Variants in PARD3B observed in about 807,000 individuals in gnomAD.
The protein encoded by PARD3B is par-3 family cell polarity regulator beta.
Under a neutral mutation model 130.2 loss-of-function variants are expected in PARD3B, and 103 were observed. The ratio of observed to expected loss-of-function variants is 0.79; its 90% confidence interval spans 0.67 to 0.93. The LOEUF is 0.93. PARD3B is among the 40% of genes least tolerant of loss of function. PARD3B has a pLI of 0.00. For missense variants in PARD3B, 1,609 were observed against 1,499.2 expected (o/e 1.07, Z -1.21); for synonymous variants, 583 against 553.2 (o/e 1.05, Z -0.76).
At chr2:205,557,430 T>C (rs2052939772) in intron 22 of PARD3B, among the ~76,000 whole-genome samples, 1 of 152,142 alleles carries the variant, frequency 6.6e-6, no homozygotes, top group South Asian at 2.1e-4. Context: ...CTTGAGGCAT[T>C]CAACGTTAGC....
Position 204,887,507 on chromosome 2 carries a change from A to G in PARD3B, c.223-77645A>G, listed in dbSNP as rs1414246827. 2.6e-5 allele frequency among the ~76,000 whole-genome samples: 4 copies of G among 152,266 alleles called. No homozygotes were observed. Among genetic ancestry groups the G allele is most frequent in the Non-Finnish European group, 5.9e-5 (4 of 68,028 alleles). ...AGCAAGTTTTAAAAGCAAAACACTC[A>G]AATTATACCACGTTGAAAACATGAA... is the stretch of plus-strand genomic sequence containing the variant. On this transcript the variant is annotated intron_variant, in intron 2 of 22. Coordinates refer to ENST00000406610, the MANE Select transcript of PARD3B (RefSeq NM_001302769.2). This position sits in a 1 kb window ranked among gnomAD's most constrained non-coding sequence, Gnocchi z 4.2.
At chr2:204,636,481 TG>T in intron 1 of PARD3B, among the ~76,000 whole-genome samples, 1 of 151,846 alleles carries the variant, frequency 6.6e-6, no homozygotes, top group East Asian at 1.9e-4. Context: ...TGTGTGTGTG[TG>T]TGTGTGTGCA....
At chr2:205,273,001 A>G (rs561515887) in intron 16 of PARD3B, among the ~76,000 whole-genome samples, 1 of 152,326 alleles carries the variant, frequency 6.6e-6, no homozygotes, top group South Asian at 2.1e-4. Context: ...CCAAATCAAA[A>G]TCATCCTCTT....
intron 2 of PARD3B, among the ~76,000 whole-genome samples, chr2:204,759,468 A>C (rs907466512): frequency 6.6e-6 from 1 of 152,220 alleles, no homozygotes; most frequent in South Asian, 2.1e-4. Context: ...GTTTTTAAGC[A>C]TAATGTATTG....
chr2:205,580,204 C>G (rs1031014841), intron 22 of PARD3B, among the ~76,000 whole-genome samples: 2 of 152,180 alleles, frequency 1.3e-5, no homozygotes, highest in African/African-American at 4.8e-5. Flanking sequence ...GTCTCTTAAG[C>G]AGCATTTTAG....
At chr2:205,163,761 C>A (rs1031200445) in intron 11 of PARD3B, among the ~76,000 whole-genome samples, 1 of 152,014 alleles carries the variant, frequency 6.6e-6, no homozygotes, top group Non-Finnish European at 1.5e-5. Context: ...CCATCTCTGC[C>A]GGTATCTATA....
At chr2:204,957,142 G>A (rs566359611) in intron 2 of PARD3B, among the ~76,000 whole-genome samples, 2 of 152,036 alleles carry the variant, frequency 1.3e-5, no homozygotes, top group South Asian at 4.2e-4. Flanking sequence ...ACTTGTCAAG[G>A]GATAACATAT....
At chr2:205,075,722 CT>C (rs1701012388) in intron 4 of PARD3B, among the ~76,000 whole-genome samples, 1 of 146,798 alleles carries the variant, frequency 6.8e-6, no homozygotes, top group Non-Finnish European at 1.5e-5. Flanking sequence ...GACATTTTTT[CT>C]GATACAATCA....
chr2:204,839,650 C>T (rs1210584819), intron 2 of PARD3B, among the ~76,000 whole-genome samples: 1 of 152,122 alleles, frequency 6.6e-6, no homozygotes, highest in Non-Finnish European at 1.5e-5. Flanking sequence ...CTCCTTTTCT[C>T]TTGTGCCTCA....
intron 19 of PARD3B, among the ~76,000 whole-genome samples, chr2:205,425,008 C>A (rs890162240): frequency 6.6e-5 from 10 of 152,186 alleles, no homozygotes; most frequent in African/African-American, 7.2e-5. Context: ...CAACAAGTTA[C>A]AAATTTTATC....
rs114455905 is a variant in PARD3B, at chr2:205,577,084, T to C, written c.3260+23681T>C. Reference sequence around the variant, plus strand: ...ATGGTATTGTGTTTCTAATTTTAATTGCACTTGTTCATTACCAGTGTATAC... The same window carrying C: ...ATGGTATTGTGTTTCTAATTTTAATCGCACTTGTTCATTACCAGTGTATAC... On this transcript the variant is annotated intron_variant, in intron 22 of 22. Transcript: ENST00000406610. Among the ~76,000 whole-genome samples the C allele has an allele frequency of 6.8e-3, 1,032 of 152,330 alleles. 18 individuals carry two copies. Among genetic ancestry groups the C allele is most frequent in the African/African-American group, 0.024 (988 of 41,580 alleles).
chr2:204,620,106 A>G (rs748914418), intron 1 of PARD3B, among the ~76,000 whole-genome samples: 11 of 152,106 alleles, frequency 7.2e-5, no homozygotes, highest in African/African-American at 1.9e-4. Flanking sequence ...GGTTCAAGCA[A>G]TTCTCCTGCC....
chr2:204,646,690 G>A (rs960603506), intron 1 of PARD3B, among the ~76,000 whole-genome samples: 15 of 151,968 alleles, frequency 9.9e-5, no homozygotes, highest in Admixed American at 9.2e-4. Context: ...AATGAGAATA[G>A]TTTTGCAAGT....
chr2:205,479,469 G>A (rs2049144997), intron 20 of PARD3B, among the ~76,000 whole-genome samples: 2 of 152,160 alleles, frequency 1.3e-5, no homozygotes, highest in Admixed American at 1.3e-4. Flanking sequence ...ATGCCACAAA[G>A]CAGAAGGTAA....
At chr2:204,703,520 A>G (rs1424882051) in intron 2 of PARD3B, among the ~76,000 whole-genome samples, 1 of 152,174 alleles carries the variant, frequency 6.6e-6, no homozygotes, top group Non-Finnish European at 1.5e-5. Context: ...AAATGTTTTA[A>G]TTTCTGTAGA....
rs1257688310 is a variant in PARD3B at position 205,281,457 on chromosome 2, A to C, written c.2186-19073A>C. Among the ~76,000 whole-genome samples, 1 of 152,174 alleles carries C rather than the reference A, an allele frequency of 6.6e-6. No homozygotes were observed. Among genetic ancestry groups the C allele is most frequent in the East Asian group, 1.9e-4 (1 of 5,184 alleles). ...CTGAAAACGAAGTTGAAAGAAAGAG[A>C]CCTTGTTCCAGTGAACAGTTAGCAA... On this transcript the variant is annotated intron_variant, in intron 16 of 22. Transcript: ENST00000406610. The surrounding 1 kb of genome is among the most constrained non-coding windows in gnomAD (Gnocchi z 4.2).
chr2:205,276,071 C>A lies in PARD3B; in HGVS notation c.2186-24459C>A, dbSNP rs1045816108. ...AATCTATTAAGAGTTAGTCTTAATA[C>A]AAGTAACTGAAGTTGTTGCCTTCAT... On this transcript the variant is annotated intron_variant, in intron 16 of 22. Coordinates refer to ENST00000406610, the MANE Select transcript of PARD3B (RefSeq NM_001302769.2). This position sits in a 1 kb window ranked among gnomAD's most constrained non-coding sequence, Gnocchi z 5.0. 6.6e-6 allele frequency among the ~76,000 whole-genome samples: 1 copy of A among 152,076 alleles called. No individual in the cohort carries two copies. The highest frequency in any genetic ancestry group is 2.4e-5 in the African/African-American group (1 of 41,404).
intron 2 of PARD3B, among the ~76,000 whole-genome samples, chr2:204,905,020 A>C (rs138696052): frequency 0.017 from 2,565 of 152,352 alleles, 29 homozygotes; most frequent in Middle Eastern, 0.044. Context: ...AGAAGAGACT[A>C]GGCTTTGGAA....
At chr2:204,983,087 T>G (rs755269840) in intron 3 of PARD3B, among the ~76,000 whole-genome samples, 53 of 152,182 alleles carry the variant, frequency 3.5e-4, no homozygotes, top group Non-Finnish European at 1.2e-4. Flanking sequence ...TGATTGAGTA[T>G]TTTTCAGGAG....
Sources: gnomAD v4.1 joint callset for allele counts (sites outside exome capture counted in the v4.1 genomes callset) on GRCh38, gnomAD v4.1.1 for gene constraint, Gnocchi (gnomAD v3.1) non-coding constraint, MANE v1.5 for transcripts, NCBI Gene and HGNC (gene_info 2026-07-23, HGNC 2026-07-21) for gene names.